Variants in ADRA1B observed in about 807,000 individuals in gnomAD.
ADRA1B encodes adrenoceptor alpha 1B.
Under a neutral mutation model 17.9 loss-of-function variants are expected in ADRA1B, and 17 were observed. The ratio of observed to expected loss-of-function variants is 0.95; its 90% CI spans 0.65 to 1.42. The LOEUF is 1.42. Among genes scored for constraint, ADRA1B ranks in the 40% most tolerant of loss-of-function variants. ADRA1B has a pLI of 0.00. For synonymous variants in ADRA1B, 366 were observed against 327.6 expected (o/e 1.12, Z -1.27); for missense variants, 681 against 722.1 (o/e 0.94, Z 0.65).
chr5:159,972,661 G>T lies in ADRA1B; in HGVS notation c.*169G>T. 1 of 813,786 alleles carries T rather than the reference G, an allele frequency of 1.2e-6. No individual in the cohort carries two copies. Among genetic ancestry groups the T allele is most frequent in the Non-Finnish European group, 1.8e-6 (1 of 568,080 alleles). The allele number at this position is 813,786 out of a possible 1,614,324, so 50.4% of individuals were successfully genotyped here. On this transcript the variant is annotated 3_prime_UTR_variant, in exon 2 of 2. Coordinates refer to ENST00000306675, the MANE Select transcript of ADRA1B (RefSeq NM_000679.4). ...AGCTGCTTTTCTGGCAGGGGCATGG[G>T]TGCCAGGTACCACGCGGAAAGCCGG... is the stretch of plus-strand genomic sequence containing the variant.
chr5:159,979,928 C>A, the ADRA1B span, among the ~76,000 whole-genome samples: 1 of 151,432 alleles, frequency 6.6e-6, no homozygotes, highest in Admixed American at 6.6e-5. Flanking sequence ...GGAGACAAAG[C>A]ATGATGAGGA....
chr5:159,928,877 G>A (rs939572552), intron 1 of ADRA1B, among the ~76,000 whole-genome samples: 1 of 152,114 alleles, frequency 6.6e-6, no homozygotes, highest in African/African-American at 2.4e-5. Context: ...CCACCAACTG[G>A]AACAGCAACA....
the ADRA1B span, among the ~76,000 whole-genome samples, chr5:159,986,505 T>G: frequency 6.6e-6 from 1 of 152,226 alleles, no homozygotes; most frequent in Non-Finnish European, 1.5e-5. Context: ...GGCTGGCTCT[T>G]TTATTTGAAC....
chr5:159,910,345 C>T (rs967130109), intron 1 of ADRA1B, among the ~76,000 whole-genome samples: 3 of 152,124 alleles, frequency 2.0e-5, no homozygotes, highest in Non-Finnish European at 2.9e-5. Context: ...CAACTAAAGC[C>T]GGGATTCAAA....
intron 1 of ADRA1B, among the ~76,000 whole-genome samples, chr5:159,932,029 T>C (rs1391139331): frequency 6.6e-6 from 1 of 152,256 alleles, no homozygotes; most frequent in Non-Finnish European, 1.5e-5. Flanking sequence ...GTGTGTGTTG[T>C]TGCGTGTATT....
intron 1 of ADRA1B, among the ~76,000 whole-genome samples, chr5:159,906,043 T>C (rs370793714): frequency 9.2e-5 from 14 of 152,152 alleles, no homozygotes; most frequent in African/African-American, 3.4e-4. Flanking sequence ...TTAGTAGAGA[T>C]AGGGTTTCGC....
chr5:159,927,295 CCA>C (rs1381054085), intron 1 of ADRA1B, among the ~76,000 whole-genome samples: 1 of 151,482 alleles, frequency 6.6e-6, no homozygotes, highest in African/African-American at 2.4e-5. Flanking sequence ...GGAAACTATT[CCA>C]GTGACTTTAT....
chr5:159,874,397 C>T (rs1753780922), intron 1 of ADRA1B, among the ~76,000 whole-genome samples: 1 of 152,216 alleles, frequency 6.6e-6, no homozygotes, highest in African/African-American at 2.4e-5. Context: ...CTCTGTAGAG[C>T]TGTGGGTGGC....
intron 1 of ADRA1B, among the ~76,000 whole-genome samples, chr5:159,932,087 T>C (rs764382464): frequency 1.1e-4 from 17 of 152,236 alleles, no homozygotes; most frequent in Non-Finnish European, 2.1e-4. Context: ...CAGCAAGTCA[T>C]CCTGACTGAC....
chr5:159,877,183 CT>C (rs1753813050), intron 1 of ADRA1B, among the ~76,000 whole-genome samples: 1 of 152,060 alleles, frequency 6.6e-6, no homozygotes, highest in Admixed American at 6.5e-5. Flanking sequence ...GCCGTGCGCT[CT>C]GAAAAACACT....
At chr5:159,882,950 C>A (rs1391793312) in intron 1 of ADRA1B, among the ~76,000 whole-genome samples, 1 of 152,128 alleles carries the variant, frequency 6.6e-6, no homozygotes, top group Non-Finnish European at 1.5e-5. Flanking sequence ...GAAGGCCAAC[C>A]AATCTTCCCA....
At chr5:159,907,579 A>T (rs1236696681) in intron 1 of ADRA1B, among the ~76,000 whole-genome samples, 1 of 152,202 alleles carries the variant, frequency 6.6e-6, no homozygotes, top group Non-Finnish European at 1.5e-5. Context: ...TAACAGAGAA[A>T]ATCTGTACCT....
At chr5:159,945,787 G>A (rs1755254229) in intron 1 of ADRA1B, among the ~76,000 whole-genome samples, 1 of 145,946 alleles carries the variant, frequency 6.9e-6, no homozygotes, top group Non-Finnish European at 1.5e-5. Flanking sequence ...TTGCTCTGTT[G>A]CCCAGGCTGG....
At chr5:159,895,733 T>C (rs1375960673) in intron 1 of ADRA1B, among the ~76,000 whole-genome samples, 1 of 152,240 alleles carries the variant, frequency 6.6e-6, no homozygotes, top group African/African-American at 2.4e-5. Context: ...AGTCCAAATG[T>C]ATTCAAGGCT....
chr5:159,972,276 G>T lies in ADRA1B; in HGVS notation c.1347G>T (p.Ala449=). ...TGTGCGCCTTCCCCGAGTGGAAGGC[G>T]CCCGGCGCCCTCCTGAGCCTGCCCG... ...VELCAFPEWK[A]PGALLSLPAP... The change falls in exon 2 of 2, where the codon GCG becomes GCT. Residue 449 remains alanine (A), a synonymous_variant. Coordinates refer to ENST00000306675, the MANE Select transcript of ADRA1B (RefSeq NM_000679.4). The T allele has an allele frequency of 2.6e-6, 3 of 1,156,138 alleles. No individual in the cohort carries two copies. The highest frequency in any genetic ancestry group is 3.8e-5 in the Admixed American group (1 of 26,482). 71.6% of individuals were successfully genotyped at this position (1,156,138 alleles called of 1,614,324 possible). A position where few individuals can be genotyped will look rare whatever the true frequency, so the allele number is the denominator to read the frequency against.
Position 159,916,680 on chromosome 5 carries a change from C to A in ADRA1B, c.-226C>A, listed in dbSNP as rs532286291. 1.1e-5 allele frequency: 6 copies of A among 522,026 alleles called. No individual in the cohort carries two copies. The South Asian group carries it at 1.8e-4, about 16-fold the overall frequency. 32.3% of individuals were successfully genotyped at this position (522,026 alleles called of 1,614,324 possible). On this transcript the variant is annotated 5_prime_UTR_variant, in exon 1 of 2. Coordinates refer to ENST00000306675, the MANE Select transcript of ADRA1B (RefSeq NM_000679.4). Reference sequence around the variant, plus strand: ...ACCATTAAACTTGGAGCTGCCGCCTCGTCCCCTCTCCTCCTCCTCCTCCCT... The same window carrying A: ...ACCATTAAACTTGGAGCTGCCGCCTAGTCCCCTCTCCTCCTCCTCCTCCCT...
chr5:159,943,225 CAATGAAA>C (rs1400597093), intron 1 of ADRA1B, among the ~76,000 whole-genome samples: 2 of 149,082 alleles, frequency 1.3e-5, no homozygotes, highest in African/African-American at 4.9e-5. Context: ...AAAAAAAAAA[CAATGAAA>C]AATGAAAAAT....
At chr5:159,949,213 C>A (rs967084061) in intron 1 of ADRA1B, among the ~76,000 whole-genome samples, 4 of 152,210 alleles carry the variant, frequency 2.6e-5, no homozygotes, top group Non-Finnish European at 2.9e-5. Flanking sequence ...AATGCCCATT[C>A]ATTCACATCA....
chr5:159,988,732 G>A, the ADRA1B span, among the ~76,000 whole-genome samples: 1 of 152,184 alleles, frequency 6.6e-6, no homozygotes, highest in Non-Finnish European at 1.5e-5. Flanking sequence ...AATCCCAACA[G>A]TTTAGGAGGC....
Sources: gnomAD v4.1 joint callset for allele counts (sites outside exome capture counted in the v4.1 genomes callset) on GRCh38, gnomAD v4.1.1 for gene constraint, MANE v1.5 for transcripts, NCBI Gene and HGNC (gene_info 2026-07-23, HGNC 2026-07-21) for gene names.